LTO1: variants seen among roughly 807,000 people sequenced by gnomAD.
LTO1 encodes protein LTO1 homolog.
A neutral mutation model predicts 19.8 loss-of-function variants in LTO1; 18 were observed. The ratio of observed to expected loss-of-function variants is 0.91; its 90% CI spans 0.63 to 1.35. The LOEUF is 1.35. LTO1 is among the 40% of genes most tolerant of loss of function. The probability of loss-of-function intolerance (pLI) is 0.00; values close to 1 mark genes in which losing one functional copy is unlikely to be tolerated. For synonymous variants in LTO1, 59 were observed against 59.6 expected (o/e 0.99, Z 0.05); for missense variants, 175 against 167.9 (o/e 1.04, Z -0.23).
In LTO1 at chr11:69,666,332, A is replaced by G. The variant is rs1409074240; in HGVS notation, c.*1187T>C. On this transcript the variant is annotated 3_prime_UTR_variant, in exon 5 of 5. Transcript: ENST00000279147. ...GTGGATTCATGGCGACCCCTTAATA[A>G]TCTCCTGGACTGCTTTCGGACATGC... 2.0e-5 allele frequency: 3 copies of G among 151,950 alleles called. No individual in the cohort carries two copies. The highest frequency in any genetic ancestry group is 4.4e-5 in the Non-Finnish European group (3 of 67,858). 9.4% of individuals were successfully genotyped at this position (151,950 alleles called of 1,614,324 possible). A position where few individuals can be genotyped will look rare whatever the true frequency, so the allele number is the denominator to read the frequency against.
chr11:69,674,753 G>A (rs984000636), intron 1 of LTO1: 1 of 460,158 alleles, frequency 2.2e-6, no homozygotes. Flanking sequence ...AGCACGAGGG[G>A]CTCCCCAGGG....
At position 69,667,985 on chromosome 11, in the gene LTO1, CAAT is replaced by C. The variant is rs1172087424; in HGVS notation, c.252_254del (p.Leu85del). On this transcript the variant is annotated inframe_deletion, in exon 4 of 5. Transcript: ENST00000279147. ...AAGGGAATTTCTGGATCATTCCAAT[CAAT>C]GATTCTAAGACCTTCATCTTTCTGC... 6.4e-7 allele frequency: 1 copy of C among 1,568,912 alleles called. No homozygotes were observed. The highest frequency in any genetic ancestry group is 8.8e-7 in the Non-Finnish European group (1 of 1,138,846).
chr11:69,670,885 AG>A (rs1172188944), intron 3 of LTO1, among the ~76,000 whole-genome samples: 1 of 152,042 alleles, frequency 6.6e-6, no homozygotes, highest in Non-Finnish European at 1.5e-5. Context: ...AGTACAATGC[AG>A]GAAGAAGAGT....
At chr11:69,672,415 T>G (rs187831299) in intron 2 of LTO1, 209 of 157,418 alleles carry the variant, frequency 1.3e-3, no homozygotes, top group African/African-American at 4.9e-3. Flanking sequence ...TTTGTGGTGA[T>G]CTGTTTCACA....
In LTO1 at chr11:69,674,129, A is replaced by T. The variant is rs1856153351; in HGVS notation, c.51-808T>A. On this transcript the variant is annotated intron_variant, in intron 1 of 4. Coordinates refer to ENST00000279147, the MANE Select transcript of LTO1 (RefSeq NM_153451.3). ...CGGCCTCCCAAAGTGCTGGGATTAC[A>T]GGCGTCAGCCACCGCATCTGGCCCG... 2.6e-5 allele frequency among the ~76,000 whole-genome samples: 4 copies of T among 152,290 alleles called. No homozygotes were observed. In the South Asian group the frequency reaches 8.3e-4, roughly 32 times the overall value.
At chr11:69,671,185 C>T (rs1323800142) in intron 3 of LTO1, among the ~76,000 whole-genome samples, 5 of 152,098 alleles carry the variant, frequency 3.3e-5, no homozygotes, top group Admixed American at 2.6e-4. Context: ...AGGAGTGAGC[C>T]ACTGCGCCCG....
intron 3 of LTO1, among the ~76,000 whole-genome samples, chr11:69,670,563 G>C (rs1018850462): frequency 6.6e-6 from 1 of 152,228 alleles, no homozygotes; most frequent in African/African-American, 2.4e-5. Flanking sequence ...GGAGCAGAAA[G>C]AACTACCCGT....
chr11:69,667,686 G>C, intron 4 of LTO1, 99 bp from the exon 5 acceptor site: 1 of 898,184 alleles, frequency 1.1e-6, no homozygotes, highest in South Asian at 1.4e-5. Context: ...CTGTCTATGT[G>C]GCCAGCCCAT....
intron 4 of LTO1, 115 bp downstream of exon 4, chr11:69,667,780 T>C (rs1856053137): frequency 1.3e-6 from 1 of 743,380 alleles, no homozygotes; most frequent in Non-Finnish European, 2.4e-6. Context: ...TACGGACAGT[T>C]CCGCGGCGCA....
At chr11:69,673,139 C>A in intron 2 of LTO1, 77 bp downstream of exon 2, 1 of 889,608 alleles carries the variant, frequency 1.1e-6, no homozygotes, top group East Asian at 2.4e-5. Flanking sequence ...AATTCTTACT[C>A]CATCACACTG....
intron 3 of LTO1, among the ~76,000 whole-genome samples, chr11:69,670,121 G>A (rs771415517): frequency 1.3e-5 from 2 of 152,204 alleles, no homozygotes; most frequent in Non-Finnish European, 2.9e-5. Flanking sequence ...TGGATGGGAT[G>A]AGGGCGGCTG....
At chr11:69,674,743 A>T in intron 1 of LTO1, 1 of 459,138 alleles carries the variant, frequency 2.2e-6, no homozygotes, top group Non-Finnish European at 4.4e-6. Flanking sequence ...CCACTGTCGC[A>T]GCACGAGGGG....
chr11:69,675,285 C>A lies in LTO1; in HGVS notation c.-46G>T, dbSNP rs1260042476. The A allele has an allele frequency of 2.8e-6, 4 of 1,434,184 alleles. No homozygotes were observed. Among genetic ancestry groups the A allele is most frequent in the Non-Finnish European group, 3.7e-6 (4 of 1,081,772 alleles). The allele number at this position is 1,434,184 out of a possible 1,614,324, so 88.8% of individuals were successfully genotyped here. ...TGGCCCCCGGGTTTCTGCAGCCCCGCGGTGCCGTAGCAGACCCGGCAGCTT... is the reference window on the plus strand; with the variant it reads ...TGGCCCCCGGGTTTCTGCAGCCCCGAGGTGCCGTAGCAGACCCGGCAGCTT... On this transcript the variant is annotated 5_prime_UTR_variant, in exon 1 of 5. Coordinates refer to ENST00000279147, the MANE Select transcript of LTO1 (RefSeq NM_153451.3).
intron 1 of LTO1, chr11:69,674,570 T>G: frequency 5.6e-6 from 2 of 355,412 alleles, no homozygotes; most frequent in Non-Finnish European, 1.1e-5. Context: ...CTGAAGTAGA[T>G]AACCAGGGTG....
At chr11:69,672,794 A>C (rs1178996352) in intron 2 of LTO1, 3 of 315,468 alleles carry the variant, frequency 9.5e-6, no homozygotes, top group Non-Finnish European at 1.9e-5. Context: ...ATGCAAAGGC[A>C]CTGTGATTTT....
At chr11:69,673,092 C>T (rs749150232) in intron 2 of LTO1, 124 bp downstream of exon 2, 6 of 731,974 alleles carry the variant, frequency 8.2e-6, no homozygotes, top group Admixed American at 2.0e-5. Context: ...TGTGAGTCAC[C>T]GCGCCCATCC....
chr11:69,668,882 G>T (rs1856070473), intron 3 of LTO1, among the ~76,000 whole-genome samples: 1 of 151,968 alleles, frequency 6.6e-6, no homozygotes, highest in African/African-American at 2.4e-5. Flanking sequence ...ACAAAAATTA[G>T]ATGGGCGTGA....
intron 3 of LTO1, among the ~76,000 whole-genome samples, chr11:69,670,097 C>G (rs1272552900): frequency 6.6e-6 from 1 of 151,926 alleles, no homozygotes; most frequent in African/African-American, 2.4e-5. Flanking sequence ...TCCAAAGAGA[C>G]CTCTGGGTAC....
chr11:69,671,465 C>A (rs935037508), intron 3 of LTO1: 2 of 315,908 alleles, frequency 6.3e-6, no homozygotes, highest in Non-Finnish European at 1.2e-5. Context: ...GGTAGGGTAT[C>A]TAAAAGCCAC....
Sources: allele counts gnomAD v4.1 joint callset (sites outside exome capture counted in the v4.1 genomes callset), GRCh38; gene constraint gnomAD v4.1.1; transcripts MANE v1.5; gene names NCBI Gene and HGNC (gene_info 2026-07-23, HGNC 2026-07-21).